HCN1: variants seen among roughly 807,000 people sequenced by gnomAD.
HCN1 encodes the protein hyperpolarization activated cyclic nucleotide gated potassium channel 1.
A neutral mutation model predicts 78.9 loss-of-function variants in HCN1; 13 were observed. The ratio of observed to expected loss-of-function variants is 0.16; its 90% CI spans 0.11 to 0.26. The LOEUF is 0.26. HCN1 is among the 10% of genes least tolerant of loss of function. The pLI, the probability that HCN1 is intolerant of heterozygous loss-of-function variation, is 1.00. For missense variants in HCN1, 810 were observed against 1,154.3 expected (o/e 0.70, Z 4.32); for synonymous variants, 552 against 455.5 (o/e 1.21, Z -2.70).
In HCN1 at chr5:45,682,270, TACATATATATATATATATAC is replaced by T. The variant is rs1288822287; in HGVS notation, c.425+13379_425+13398del. Among the ~76,000 whole-genome samples the T allele has an allele frequency of 8.9e-4, 104 of 116,908 alleles. 2 individuals carry two copies. The highest frequency in any genetic ancestry group is 1.3e-3 in the African/African-American group (37 of 27,814). The allele number at this position is 116,908 out of a possible 152,430, so 76.7% of individuals were successfully genotyped here. On this transcript the variant is annotated intron_variant, in intron 1 of 7. Coordinates refer to ENST00000303230, the MANE Select transcript of HCN1 (RefSeq NM_021072.4). ...CAACAAGATATCATATATATATATA[TACATATATATATATATATAC>T]ACATATATATATCCCAATTTTAAAA...
At chr5:45,282,782 C>A (rs187234434) in intron 6 of HCN1, among the ~76,000 whole-genome samples, 16 of 152,276 alleles carry the variant, frequency 1.1e-4, no homozygotes, top group African/African-American at 3.1e-4. Context: ...TCCAGTAATG[C>A]TCTTGGTCAT....
chr5:45,583,457 TG>T (rs1330873426), intron 2 of HCN1, among the ~76,000 whole-genome samples: 1 of 152,204 alleles, frequency 6.6e-6, no homozygotes, highest in Non-Finnish European at 1.5e-5. Flanking sequence ...TCAGTTTTGT[TG>T]ATCTTTTCAA....
chr5:45,674,695 G>C (rs1161342999), intron 1 of HCN1, among the ~76,000 whole-genome samples: 2 of 151,694 alleles, frequency 1.3e-5, no homozygotes, highest in African/African-American at 4.8e-5. Flanking sequence ...CACACATGCT[G>C]AATGTTTTAT....
At chr5:45,419,702 G>C (rs994577240) in intron 3 of HCN1, among the ~76,000 whole-genome samples, 3 of 152,140 alleles carry the variant, frequency 2.0e-5, no homozygotes, top group Admixed American at 1.3e-4. Context: ...CCAGTACTGG[G>C]GCTCCCGCTT....
chr5:45,568,117 T>C (rs1359889029), intron 2 of HCN1, among the ~76,000 whole-genome samples: 1 of 152,140 alleles, frequency 6.6e-6, no homozygotes, highest in African/African-American at 2.4e-5. Context: ...CTATTTTCAC[T>C]ATTTTAGTCA....
At chr5:45,285,115 G>C (rs113277652) in intron 6 of HCN1, among the ~76,000 whole-genome samples, 1 of 151,932 alleles carries the variant, frequency 6.6e-6, no homozygotes, top group Admixed American at 6.6e-5. Context: ...AGCAGAAGTA[G>C]CTCCATATAA....
chr5:45,284,143 T>C (rs1349919353), intron 6 of HCN1, among the ~76,000 whole-genome samples: 1 of 151,984 alleles, frequency 6.6e-6, no homozygotes, highest in East Asian at 1.9e-4. Context: ...TATTTGAGGA[T>C]AGAGGGTAGG....
At chr5:45,541,716 G>A (rs971859625) in intron 2 of HCN1, among the ~76,000 whole-genome samples, 3 of 152,044 alleles carry the variant, frequency 2.0e-5, no homozygotes, top group African/African-American at 7.2e-5. Context: ...AGAACACTGT[G>A]GCTTACTGAT....
intron 7 of HCN1, among the ~76,000 whole-genome samples, chr5:45,264,346 G>C (rs1744811664): frequency 6.6e-6 from 1 of 152,172 alleles, no homozygotes; most frequent in South Asian, 2.1e-4. Context: ...ATGAATAGTG[G>C]ATTGGTGAAA....
intron 4 of HCN1, among the ~76,000 whole-genome samples, chr5:45,372,260 T>A (rs1488649697): frequency 1.2e-5 from 1 of 82,676 alleles, no homozygotes; most frequent in African/African-American, 4.9e-5. Context: ...AATATATATT[T>A]ATATATATAT....
chr5:45,340,274 T>A (rs760451552), intron 5 of HCN1, among the ~76,000 whole-genome samples: 2 of 152,136 alleles, frequency 1.3e-5, no homozygotes, highest in Non-Finnish European at 2.9e-5. Context: ...GTTATCTTCA[T>A]TATATATTAC....
chr5:45,596,871 T>G (rs1441645223), intron 2 of HCN1, among the ~76,000 whole-genome samples: 1 of 152,178 alleles, frequency 6.6e-6, no homozygotes, highest in Non-Finnish European at 1.5e-5. Context: ...GAAGAATATC[T>G]TAAGTGAAAA....
chr5:45,434,323 A>G (rs558546393), intron 3 of HCN1, among the ~76,000 whole-genome samples: 1 of 152,306 alleles, frequency 6.6e-6, no homozygotes, highest in South Asian at 2.1e-4. Flanking sequence ...TCTGTCCTTT[A>G]GGACATCTGC....
intron 4 of HCN1, among the ~76,000 whole-genome samples, chr5:45,375,358 TTA>T (rs1747601183): frequency 8.0e-6 from 1 of 125,544 alleles, no homozygotes; most frequent in Non-Finnish European, 1.6e-5. Context: ...ATATAATATT[TTA>T]TGATATACAA....
chr5:45,666,560 C>T (rs1176518527), intron 1 of HCN1, among the ~76,000 whole-genome samples: 1 of 152,022 alleles, frequency 6.6e-6, no homozygotes, highest in African/African-American at 2.4e-5. Flanking sequence ...AATACATTCC[C>T]TGAATCATGT....
intron 4 of HCN1, among the ~76,000 whole-genome samples, chr5:45,375,834 C>A (rs1411854200): frequency 6.9e-4 from 78 of 112,796 alleles, no homozygotes; most frequent in African/African-American, 2.8e-3. Flanking sequence ...TATGATATAT[C>A]TTATATATAA....
At chr5:45,283,101 G>T (rs1268818647) in intron 6 of HCN1, among the ~76,000 whole-genome samples, 1 of 152,118 alleles carries the variant, frequency 6.6e-6, no homozygotes, top group Non-Finnish European at 1.5e-5. Context: ...GGATGAAGAT[G>T]AAAATATACT....
At chr5:45,349,260 C>T (rs1382327163) in intron 5 of HCN1, among the ~76,000 whole-genome samples, 1 of 152,146 alleles carries the variant, frequency 6.6e-6, no homozygotes, top group Admixed American at 6.5e-5. Flanking sequence ...GAACAACCTG[C>T]TCCTGAATGA....
At chr5:45,286,327 TAAG>T (rs773402566) in intron 6 of HCN1, among the ~76,000 whole-genome samples, 5 of 152,022 alleles carry the variant, frequency 3.3e-5, no homozygotes, top group Non-Finnish European at 5.9e-5. Flanking sequence ...TTTCAGTATT[TAAG>T]AAGTACTAGA....
Sources: gnomAD v4.1 joint callset for allele counts (sites outside exome capture counted in the v4.1 genomes callset) on GRCh38, gnomAD v4.1.1 for gene constraint, MANE v1.5 for transcripts, NCBI Gene and HGNC (gene_info 2026-07-23, HGNC 2026-07-21) for gene names.